Variants in USP49 observed in about 807,000 individuals in gnomAD.
USP49 encodes ubiquitin carboxyl-terminal hydrolase 49.
USP49 carries 24 observed loss-of-function variants against 58.6 expected under a neutral mutation model. That is an observed-to-expected ratio of 0.41 (90% CI 0.30 to 0.58). The LOEUF is 0.58. Among genes scored for constraint, USP49 ranks in the 20% least tolerant of loss-of-function variants. The pLI is 0.30. For missense variants in USP49, 703 were observed against 866.1 expected, an observed-to-expected ratio of 0.81 and a Z score of 2.36; for synonymous variants, 408 against 365.1, an observed-to-expected ratio of 1.12 and a Z score of -1.34.
chr6:41,847,774 G>C (rs1167298403), intron 3 of USP49, among the ~76,000 whole-genome samples: 1 of 151,550 alleles, frequency 6.6e-6, no homozygotes, highest in Non-Finnish European at 1.5e-5. Flanking sequence ...AGCACATAAA[G>C]AACTTATAGG....
At chr6:41,852,483 CATT>C (rs1396004196) in intron 3 of USP49, among the ~76,000 whole-genome samples, 39 of 152,266 alleles carry the variant, frequency 2.6e-4, no homozygotes, top group Admixed American at 1.6e-3. Flanking sequence ...TTTAAAATCT[CATT>C]AATAACAGCA....
In USP49 at chr6:41,824,578, T is replaced by C. The variant is rs759195957; in HGVS notation, c.-28-17567A>G. Among the ~76,000 whole-genome samples the C allele has an allele frequency of 7.2e-5, 11 of 152,042 alleles. No homozygotes were observed. The East Asian group carries it at 1.7e-3, about 24-fold the overall frequency. ...AATACAAAATTAGCGTGGTGGTACATGCCTGTAATCCCAGCTACTCGGGAG... is the reference window on the plus strand; with the variant it reads ...AATACAAAATTAGCGTGGTGGTACACGCCTGTAATCCCAGCTACTCGGGAG... On this transcript the variant is annotated intron_variant, in intron 3 of 7. Transcript: ENST00000682992.
intron 1 of USP49, among the ~76,000 whole-genome samples, chr6:41,893,471 A>G (rs975347965): frequency 3.3e-5 from 5 of 152,182 alleles, no homozygotes; most frequent in Admixed American, 2.6e-4. Flanking sequence ...CTCTATCCCA[A>G]CAACAGTGCG....
At chr6:41,874,924 T>C (rs1249198460) in intron 2 of USP49, among the ~76,000 whole-genome samples, 1 of 151,800 alleles carries the variant, frequency 6.6e-6, no homozygotes, top group Admixed American at 6.6e-5. Context: ...ATTGCACCAC[T>C]GCACTCCAGC....
At chr6:41,868,251 G>C (rs1774354872) in intron 3 of USP49, among the ~76,000 whole-genome samples, 1 of 152,186 alleles carries the variant, frequency 6.6e-6, no homozygotes, top group African/African-American at 2.4e-5. Context: ...ATGAATAAAT[G>C]AGTAAAGCAC....
intron 3 of USP49, among the ~76,000 whole-genome samples, chr6:41,820,489 T>C (rs1321433222): frequency 3.9e-5 from 6 of 152,096 alleles, no homozygotes; most frequent in Non-Finnish European, 8.8e-5. Flanking sequence ...TTTTAATCTT[T>C]GTATGTAGAA....
chr6:41,891,441 A>C (rs1330766335), intron 2 of USP49, among the ~76,000 whole-genome samples: 1 of 152,198 alleles, frequency 6.6e-6, no homozygotes, highest in Non-Finnish European at 1.5e-5. Flanking sequence ...TAAAATGAGA[A>C]TAGTAATAGT....
Position 41,799,889 on chromosome 6 carries a change from T to G in USP49, c.1611A>C (p.Arg537Ser), listed in dbSNP as rs751993634. Reference sequence around the variant, plus strand: ...GTAGTCTGTAGATCATTAACTGCTTTCTAGCTTCACTCAGAACAAGGGGTT... The same window carrying G: ...GTAGTCTGTAGATCATTAACTGCTTGCTAGCTTCACTCAGAACAAGGGGTT... ...NPKPLVLSEA[R>S]KQLMIYRLPQ... Residue 537 changes from arginine to serine, a missense_variant, in exon 6 of 8, where the codon AGA becomes AGC. Coordinates refer to ENST00000682992, the MANE Select transcript of USP49 (RefSeq NM_001286554.2). 4.3e-6 allele frequency: 7 copies of G among 1,614,180 alleles called. No individual in the cohort carries two copies. The highest frequency in any genetic ancestry group is 1.7e-5 in the Admixed American group (1 of 60,020).
intron 3 of USP49, among the ~76,000 whole-genome samples, chr6:41,824,693 C>T (rs1429297044): frequency 3.3e-5 from 5 of 152,096 alleles, no homozygotes; most frequent in Admixed American, 6.6e-5. Flanking sequence ...GCAACAAGAG[C>T]GAAACTCTGT....
In USP49 at chr6:41,806,412, T is replaced by A; in HGVS notation, c.572A>T (p.Glu191Val). ...KKEEARRRRREVKRRLLEELA... is the reference protein window; with the variant it reads ...KKEEARRRRRVVKRRLLEELA... ...CTCCTCCAGCAGCCGCCGTTTCACC[T>A]CGCGCCGCCGCCTCCGCGCCTCCTC... The change falls in exon 4 of 8, where the codon GAG becomes GTG. Residue 191 changes from glutamate to valine, a missense_variant. Physicochemically the swap from Glu to Val is moderately radical, Grantham distance 121 (BLOSUM62 -2). This residue lies in a region of USP49 where 376 missense variants were observed against 373.5 expected (regional missense o/e 1.01). Transcript: ENST00000682992. This position sits in a 1 kb window ranked among gnomAD's most constrained non-coding sequence, Gnocchi z 5.9. The A allele has an allele frequency of 1.3e-6, 2 of 1,568,926 alleles. No individual in the cohort carries two copies. The highest frequency in any genetic ancestry group is 4.5e-5 in the East Asian group (2 of 44,622).
intron 3 of USP49, among the ~76,000 whole-genome samples, chr6:41,831,710 C>G (rs750401171): frequency 3.3e-5 from 5 of 152,084 alleles, no homozygotes; most frequent in Non-Finnish European, 7.4e-5. Context: ...AAATTAAAAC[C>G]ACCACCACAA....
At chr6:41,871,307 G>C (rs1229356338) in intron 3 of USP49, among the ~76,000 whole-genome samples, 1 of 152,174 alleles carries the variant, frequency 6.6e-6, no homozygotes, top group Non-Finnish European at 1.5e-5. Flanking sequence ...CCCTAGACTT[G>C]TTTCAGTATG....
chr6:41,865,803 CTTT>C (rs55695314), intron 3 of USP49, among the ~76,000 whole-genome samples: 3 of 119,038 alleles, frequency 2.5e-5, no homozygotes, highest in Non-Finnish European at 3.4e-5. Context: ...CATGCCTGGC[CTTT>C]TTTTTTTTTT....
intron 2 of USP49, among the ~76,000 whole-genome samples, chr6:41,888,762 G>A (rs1043583608): frequency 2.0e-5 from 3 of 151,882 alleles, no homozygotes; most frequent in Non-Finnish European, 2.9e-5. Flanking sequence ...CACAAGTGCC[G>A]TATTTTACAT....
In USP49 at chr6:41,798,893, G is replaced by T; in HGVS notation, c.1707C>A (p.Val569=). The T allele has an allele frequency of 6.2e-7, 1 of 1,613,814 alleles. No individual in the cohort carries two copies. Among genetic ancestry groups the T allele is most frequent in the Non-Finnish European group, 8.5e-7 (1 of 1,179,970 alleles). Residue 569 remains valine (V), a synonymous_variant, in exon 7 of 8, where the codon GTC becomes GTA. Coordinates refer to ENST00000682992, the MANE Select transcript of USP49 (RefSeq NM_001286554.2). The stretch of plus-strand genomic sequence containing the variant: ...TTAATACCTGGTCAAAGACGACATG[G>T]ACCCCAATCTTCTCTCGATGATTAC... ...SGRNHREKIG[V]HVVFDQVLTM...
intron 3 of USP49, among the ~76,000 whole-genome samples, chr6:41,810,944 A>G (rs965759244): frequency 1.3e-5 from 2 of 152,178 alleles, no homozygotes; most frequent in African/African-American, 4.8e-5. Flanking sequence ...TTTCATGATT[A>G]TGAGGTCAAC....
chr6:41,880,996 G>A (rs953575718), intron 2 of USP49, among the ~76,000 whole-genome samples: 4 of 151,864 alleles, frequency 2.6e-5, no homozygotes, highest in African/African-American at 9.7e-5. Flanking sequence ...GCAGTGGTAT[G>A]GTCTTGGCTC....
At chr6:41,811,951 T>C (rs1043189813) in intron 3 of USP49, among the ~76,000 whole-genome samples, 5 of 152,210 alleles carry the variant, frequency 3.3e-5, no homozygotes, top group African/African-American at 4.8e-5. Context: ...CAATATTCTT[T>C]GAAAATGTAG....
chr6:41,800,036 TTCTC>T, intron 5 of USP49, 98 bp from the exon 6 acceptor site: 1 of 1,105,794 alleles, frequency 9.0e-7, no homozygotes, highest in South Asian at 1.3e-5. Flanking sequence ...TTCTCCATAT[TTCTC>T]AGTATCTGAA....
Sources: allele counts gnomAD v4.1 joint callset (sites outside exome capture counted in the v4.1 genomes callset), GRCh38; gene constraint gnomAD v4.1.1; regional missense constraint gnomAD v4.1.1; non-coding constraint Gnocchi (gnomAD v3.1); transcripts MANE v1.5; gene names NCBI Gene and HGNC (gene_info 2026-07-23, HGNC 2026-07-21).